The following THRB variants were observed in gnomAD, a reference collection of about 807,000 sequenced individuals.
THRB encodes nuclear receptor subfamily 1 group A member 2.
Under a neutral mutation model 47.8 loss-of-function variants are expected in THRB, and 12 were observed. The ratio of observed to expected loss-of-function variants is 0.25; its 90% CI spans 0.16 to 0.41. The LOEUF (loss-of-function observed/expected upper bound fraction) is 0.41, where lower values mean the gene tolerates loss of function less well. THRB is among the 10% of genes least tolerant of loss of function. The pLI, the probability that THRB is intolerant of heterozygous loss-of-function variation, is 1.00. For synonymous variants in THRB, 218 were observed against 212.2 expected (o/e 1.03, Z -0.24); for missense variants, 348 against 589.2 (o/e 0.59, Z 4.24).
chr3:24,160,843 C>T (rs770880725), intron 5 of THRB, among the ~76,000 whole-genome samples: 1 of 152,212 alleles, frequency 6.6e-6, no homozygotes, highest in Non-Finnish European at 1.5e-5. Flanking sequence ...ACTCCATATG[C>T]AGAAAGTCAG....
chr3:24,129,650 G>T (rs905663770), intron 9 of THRB, among the ~76,000 whole-genome samples: 1 of 152,192 alleles, frequency 6.6e-6, no homozygotes, highest in African/African-American at 2.4e-5. Context: ...TTCAACACGT[G>T]GGCAAATAAT....
intron 2 of THRB, among the ~76,000 whole-genome samples, chr3:24,306,265 T>C (rs2057330238): frequency 6.6e-6 from 1 of 152,206 alleles, no homozygotes; most frequent in South Asian, 2.1e-4. Context: ...CGAATCTAAA[T>C]TTCCTGGCAC....
At chr3:24,202,009 G>A (rs1197118220) in intron 4 of THRB, among the ~76,000 whole-genome samples, 2 of 152,180 alleles carry the variant, frequency 1.3e-5, no homozygotes, top group Admixed American at 1.3e-4. Flanking sequence ...GGAGCACAGA[G>A]AGGTTAAACA....
rs186604614 is a variant in THRB at position 24,193,328 on chromosome 3, G to C, written c.23-2994C>G. Among the ~76,000 whole-genome samples the C allele has an allele frequency of 4.3e-3, 659 of 152,250 alleles. 7 individuals are homozygous for C. Among genetic ancestry groups the C allele is most frequent in the African/African-American group, 0.015 (612 of 41,544 alleles). ...CACTATTAAACAACACTGAAGACCA[G>C]GCTTTTTGAAATTTGGATAGGGTGT... is the stretch of plus-strand genomic sequence containing the variant. On this transcript the variant is annotated intron_variant, in intron 4 of 10. Transcript: ENST00000646209.
chr3:24,487,177 C>T (rs1211910737), intron 1 of THRB, among the ~76,000 whole-genome samples: 1 of 151,654 alleles, frequency 6.6e-6, no homozygotes, highest in Non-Finnish European at 1.5e-5. Flanking sequence ...TGTGAAAAAG[C>T]AAAAAGGTTC....
intron 3 of THRB, among the ~76,000 whole-genome samples, chr3:24,279,852 A>G (rs929592764): frequency 3.3e-5 from 5 of 152,082 alleles, no homozygotes; most frequent in Non-Finnish European, 5.9e-5. Flanking sequence ...AAGTACGAGG[A>G]GTTCTTAATC....
At chr3:24,214,313 A>C (rs1042762849) in intron 4 of THRB, among the ~76,000 whole-genome samples, 3 of 152,162 alleles carry the variant, frequency 2.0e-5, no homozygotes, top group Non-Finnish European at 4.4e-5. Context: ...CATCATCCTC[A>C]TTATGTGCCC....
In THRB at chr3:24,202,160, C is replaced by G. The variant is rs992904548; in HGVS notation, c.23-11826G>C. On this transcript the variant is annotated intron_variant, in intron 4 of 10. Coordinates refer to ENST00000646209, the MANE Select transcript of THRB (RefSeq NM_001354712.2). ...CATCTCAGGCAAACAAAAACAAAAA[C>G]TAAATTCCATGGGCTGAAATATGGC... is the stretch of plus-strand genomic sequence containing the variant. Among the ~76,000 whole-genome samples the G allele has an allele frequency of 2.0e-5, 3 of 152,304 alleles. No homozygotes were observed. The East Asian group carries it at 5.8e-4, about 29-fold the overall frequency.
chr3:24,455,108 T>A (rs1363526322), intron 1 of THRB: 3 of 3,982 alleles, frequency 7.5e-4, no homozygotes, highest in Admixed American at 3.8e-3. Context: ...AGGACTTACT[T>A]TTTTTTTTTT....
Position 24,483,499 on chromosome 3 carries a change from TA to T in THRB, c.-261+11152del, listed in dbSNP as rs34571938. On this transcript the variant is annotated intron_variant, in intron 1 of 10. Coordinates refer to ENST00000646209, the MANE Select transcript of THRB (RefSeq NM_001354712.2). ...CTCTATTTTAAATTTTAGTTCTCTT[TA>T]AAAAAAAAAAAACATGTTAATAATG... Among the ~76,000 whole-genome samples the T allele has an allele frequency of 9.9e-3, 1,434 of 144,534 alleles. 14 individuals are homozygous for T. Among genetic ancestry groups the T allele is most frequent in the South Asian group, 0.035 (157 of 4,534 alleles). The allele number at this position is 144,534 out of a possible 152,430, so 94.8% of individuals were successfully genotyped here.
At chr3:24,379,119 C>T (rs1021311460) in intron 1 of THRB, among the ~76,000 whole-genome samples, 20 of 152,010 alleles carry the variant, frequency 1.3e-4, no homozygotes, top group Non-Finnish European at 2.2e-4. Flanking sequence ...AAACCGCCTT[C>T]GATGCATATA....
At chr3:24,484,594 A>G (rs569232334) in intron 1 of THRB, among the ~76,000 whole-genome samples, 107 of 152,256 alleles carry the variant, frequency 7.0e-4, no homozygotes, top group African/African-American at 2.5e-3. Context: ...CTCACGTTCT[A>G]TTTCTATTAG....
chr3:24,226,622 A>G (rs1419636411), intron 4 of THRB, among the ~76,000 whole-genome samples: 1 of 152,148 alleles, frequency 6.6e-6, no homozygotes, highest in Non-Finnish European at 1.5e-5. Context: ...AAGCTGGCTT[A>G]CCCTAGAGCT....
At chr3:24,316,027 G>A (rs1252832200) in intron 2 of THRB, among the ~76,000 whole-genome samples, 1 of 152,072 alleles carries the variant, frequency 6.6e-6, no homozygotes, top group Admixed American at 6.6e-5. Flanking sequence ...GACAGCTCTT[G>A]TTTGCTCCTG....
chr3:24,359,019 C>A (rs2063886454), intron 1 of THRB, among the ~76,000 whole-genome samples: 1 of 152,188 alleles, frequency 6.6e-6, no homozygotes, highest in Admixed American at 6.6e-5. Context: ...ACAAAACCTT[C>A]TGTTCCAGTT....
intron 1 of THRB, among the ~76,000 whole-genome samples, chr3:24,392,688 A>G (rs1324130319): frequency 6.6e-6 from 1 of 152,156 alleles, no homozygotes; most frequent in East Asian, 1.9e-4. Flanking sequence ...GTCTTAGGCT[A>G]TAACTGACTG....
intron 1 of THRB, among the ~76,000 whole-genome samples, chr3:24,425,426 A>T (rs2069659361): frequency 6.6e-6 from 1 of 151,976 alleles, no homozygotes. Context: ...TTTTAAAAAA[A>T]TGTGAGTACG....
chr3:24,127,518 G>A lies in THRB; in HGVS notation c.1125C>T (p.Ala375=), dbSNP rs148991421. The A allele has an allele frequency of 3.2e-4, 514 of 1,614,182 alleles. No homozygotes were observed. Among genetic ancestry groups the A allele is most frequent in the African/African-American group, 1.0e-3 (75 of 75,040 alleles). Residue 375 remains alanine, a synonymous_variant, in exon 10 of 11, where the codon GCC becomes GCT. Coordinates refer to ENST00000646209, the MANE Select transcript of THRB (RefSeq NM_001354712.2). ...ACTCACCTGAAGACATCAGCAGGACGGCCTGAAGGAGGGCTACTTCAGTGT... is the reference window on the plus strand; with the variant it reads ...ACTCACCTGAAGACATCAGCAGGACAGCCTGAAGGAGGGCTACTTCAGTGT... ...LDDTEVALLQ[A]VLLMSSDRPG... is the part of the protein sequence containing the mutation.
Position 24,315,810 on chromosome 3 carries a change from A to T in THRB, c.-188-18439T>A, listed in dbSNP as rs914428542. Among the ~76,000 whole-genome samples the T allele has an allele frequency of 2.6e-5, 4 of 152,180 alleles. 1 individual carries two copies. In the East Asian group the frequency reaches 7.7e-4, roughly 29 times the overall value. ...CAGGGAGAAGTAGTTCACTCCACTA[A>T]TTATGCTGCTTATAACTGGCACAGA... On this transcript the variant is annotated intron_variant, in intron 2 of 10. Coordinates refer to ENST00000646209, the MANE Select transcript of THRB (RefSeq NM_001354712.2).
Sources: gnomAD v4.1 joint callset for allele counts (sites outside exome capture counted in the v4.1 genomes callset) on GRCh38, gnomAD v4.1.1 for gene constraint, MANE v1.5 for transcripts, NCBI Gene and HGNC (gene_info 2026-07-23, HGNC 2026-07-21) for gene names.